Variants in TIMMDC1 observed in about 807,000 individuals in gnomAD.
The protein encoded by TIMMDC1 is translocase of inner mitochondrial membrane domain containing 1, also known as complex I assembly factor TIMMDC1, mitochondrial.
A neutral mutation model predicts 32.6 loss-of-function variants in TIMMDC1; 25 were observed. That is an observed-to-expected ratio of 0.77 (90% CI 0.56 to 1.07). The LOEUF is 1.07. Ranked by LOEUF, TIMMDC1 falls within the 50% of genes least tolerant of loss-of-function variation. The probability of loss-of-function intolerance (pLI) is 0.00; values close to 1 mark genes in which losing one functional copy is unlikely to be tolerated. For missense variants in TIMMDC1, 329 were observed against 349.2 expected (o/e 0.94, Z 0.46); for synonymous variants, 130 against 127.6 (o/e 1.02, Z -0.13).
intron 3 of TIMMDC1, 65 bp from the exon 4 acceptor site, chr3:119,503,889 C>T (rs1469845702): frequency 7.3e-7 from 1 of 1,370,646 alleles, no homozygotes; most frequent in African/African-American, 1.4e-5. Context: ...GTGAAAATAA[C>T]ACTCAAGAAG....
At chr3:119,506,191 C>G (rs918979991) in intron 4 of TIMMDC1, among the ~76,000 whole-genome samples, 1 of 152,194 alleles carries the variant, frequency 6.6e-6, no homozygotes, top group Middle Eastern at 3.2e-3. Flanking sequence ...CTTTTACTTC[C>G]TTACTTGCTC....
At chr3:119,517,662 G>A (rs761213179) in intron 6 of TIMMDC1, among the ~76,000 whole-genome samples, 9 of 152,100 alleles carry the variant, frequency 5.9e-5, no homozygotes, top group Non-Finnish European at 1.3e-4. Flanking sequence ...GCTTTACCTG[G>A]CTTACTTAAA....
At position 119,523,819 on chromosome 3, in the gene TIMMDC1, AACAG is replaced by A. The variant is rs1413004794; in HGVS notation, c.*68_*71del. 44 of 1,439,166 alleles carry A rather than the reference AACAG, an allele frequency of 3.1e-5. No homozygotes were observed. Among genetic ancestry groups the A allele is most frequent in the Non-Finnish European group, 4.1e-5 (44 of 1,086,420 alleles). The allele number at this position is 1,439,166 out of a possible 1,614,324, so 89.1% of individuals were successfully genotyped here. Reference sequence around the variant, plus strand: ...GGAGCTGCCATGTCCGATGAATGCCAACAGACAGGCCACTCTTTGGTCAGCCTGC... The same window carrying A: ...GGAGCTGCCATGTCCGATGAATGCCAACAGGCCACTCTTTGGTCAGCCTGC... On this transcript the variant is annotated 3_prime_UTR_variant, in exon 7 of 7. Coordinates refer to ENST00000494664, the MANE Select transcript of TIMMDC1 (RefSeq NM_016589.4).
intron 1 of TIMMDC1, among the ~76,000 whole-genome samples, chr3:119,500,185 A>G (rs949599897): frequency 6.6e-6 from 1 of 152,234 alleles, no homozygotes; most frequent in African/African-American, 2.4e-5. Context: ...TTGCCCTAAA[A>G]TCTCACGAGT....
rs1005476260 is a variant in TIMMDC1, at chr3:119,521,596, G to A, written c.708-2010G>A. On this transcript the variant is annotated intron_variant, in intron 6 of 6. Transcript: ENST00000494664. Reference sequence around the variant, plus strand: ...TAGCCCCAGTTACTTGGGAGACTGAGGCTGAAGGATCCCTTGAGCCCAGTA... The same window carrying A: ...TAGCCCCAGTTACTTGGGAGACTGAAGCTGAAGGATCCCTTGAGCCCAGTA... Among the ~76,000 whole-genome samples the A allele has an allele frequency of 4.3e-4, 66 of 151,986 alleles. 1 individual carries two copies. The highest frequency in any genetic ancestry group is 4.1e-3 in the Admixed American group (63 of 15,252).
chr3:119,507,302 T>C (rs2081924518), intron 4 of TIMMDC1, among the ~76,000 whole-genome samples: 1 of 152,230 alleles, frequency 6.6e-6, no homozygotes, highest in African/African-American at 2.4e-5. Context: ...TATTTTATTC[T>C]GTGTTTGTTT....
intron 4 of TIMMDC1, among the ~76,000 whole-genome samples, chr3:119,509,496 T>G (rs1036058365): frequency 4.6e-5 from 7 of 152,104 alleles, no homozygotes; most frequent in Non-Finnish European, 1.0e-4. Context: ...ACAAAAGACT[T>G]CATATTGTAT....
intron 4 of TIMMDC1, among the ~76,000 whole-genome samples, chr3:119,507,609 A>T (rs1262679407): frequency 6.6e-6 from 1 of 152,080 alleles, no homozygotes; most frequent in Non-Finnish European, 1.5e-5. Flanking sequence ...TAATCTCTTC[A>T]TATGGTAAGT....
chr3:119,499,192 C>A (rs1247457698), intron 1 of TIMMDC1, among the ~76,000 whole-genome samples: 1 of 147,554 alleles, frequency 6.8e-6, no homozygotes, highest in African/African-American at 2.5e-5. Flanking sequence ...CTCTGGGACT[C>A]AAGTGATCCT....
At chr3:119,500,561 A>T in intron 1 of TIMMDC1, 134 bp from the exon 2 acceptor site, 2 of 762,800 alleles carry the variant, frequency 2.6e-6, no homozygotes, top group Non-Finnish European at 2.1e-6. Flanking sequence ...TGAACTGTTT[A>T]ATTCATCTGA....
chr3:119,514,728 A>G (rs532723538), intron 5 of TIMMDC1, among the ~76,000 whole-genome samples: 1 of 152,166 alleles, frequency 6.6e-6, no homozygotes, highest in Non-Finnish European at 1.5e-5. Flanking sequence ...CTGAGCATGT[A>G]TTGCATGTGA....
intron 6 of TIMMDC1, among the ~76,000 whole-genome samples, chr3:119,519,548 G>T (rs2082009953): frequency 6.6e-6 from 1 of 152,110 alleles, no homozygotes; most frequent in South Asian, 2.1e-4. Context: ...AATTCAGCAA[G>T]AGGAAATAAC....
At chr3:119,510,438 G>C (rs1429971283) in intron 4 of TIMMDC1, among the ~76,000 whole-genome samples, 1 of 150,382 alleles carries the variant, frequency 6.6e-6, no homozygotes, top group Non-Finnish European at 1.5e-5. Context: ...AAAAAAACTT[G>C]ATACAATGTC....
intron 1 of TIMMDC1, 171 bp from the exon 2 acceptor site, chr3:119,500,524 C>CT (rs2081865146): frequency 6.9e-6 from 4 of 577,550 alleles, no homozygotes; most frequent in Non-Finnish European, 1.2e-5. Flanking sequence ...TTCGTTTTGT[C>CT]TGAGACTACG....
At chr3:119,519,097 T>A (rs1302190306) in intron 6 of TIMMDC1, among the ~76,000 whole-genome samples, 1 of 152,010 alleles carries the variant, frequency 6.6e-6, no homozygotes, top group Non-Finnish European at 1.5e-5. Context: ...CGTGAAAGAA[T>A]AAAACTCACT....
intron 1 of TIMMDC1, 152 bp downstream of exon 1, chr3:119,499,079 A>G (rs2081847652): frequency 1.8e-6 from 1 of 560,344 alleles, no homozygotes; most frequent in Non-Finnish European, 3.0e-6. Context: ...CCAAGCTTGT[A>G]TCTTTTTTCT....
chr3:119,520,940 T>G (rs2082022339), intron 6 of TIMMDC1, among the ~76,000 whole-genome samples: 1 of 151,894 alleles, frequency 6.6e-6, no homozygotes, highest in South Asian at 2.1e-4. Flanking sequence ...CATACACAAA[T>G]CAATAAATGT....
intron 4 of TIMMDC1, among the ~76,000 whole-genome samples, chr3:119,510,846 A>T (rs2081947914): frequency 6.6e-6 from 1 of 152,248 alleles, no homozygotes; most frequent in African/African-American, 2.4e-5. Context: ...GAAGATATAT[A>T]AATGTGTACA....
chr3:119,518,046 A>G (rs546049990), intron 6 of TIMMDC1, among the ~76,000 whole-genome samples: 1 of 149,768 alleles, frequency 6.7e-6, no homozygotes, highest in South Asian at 2.1e-4. Flanking sequence ...CAAAAATTCT[A>G]TTTCTTGCTG....
Sources: gnomAD v4.1 joint callset for allele counts (sites outside exome capture counted in the v4.1 genomes callset) on GRCh38, gnomAD v4.1.1 for gene constraint, MANE v1.5 for transcripts, NCBI Gene and HGNC (gene_info 2026-07-23, HGNC 2026-07-21) for gene names.